PTGER3: variants seen among roughly 807,000 people sequenced by gnomAD.
PTGER3 encodes the protein prostaglandin E2 receptor EP3 subtype.
A neutral mutation model predicts 34.7 loss-of-function variants in PTGER3; 22 were observed. The ratio of observed to expected loss-of-function variants is 0.63; its 90% CI spans 0.45 to 0.91. PTGER3 has a LOEUF of 0.91. Ranked by LOEUF, PTGER3 falls within the 40% of genes least tolerant of loss-of-function variation. PTGER3 has a pLI of 0.00. For synonymous variants in PTGER3, 241 were observed against 230.1 expected, an observed-to-expected ratio of 1.05 and a Z score of -0.43; for missense variants, 468 against 519.4, an observed-to-expected ratio of 0.90 and a Z score of 0.96.
At chr1:70,995,580 A>T (rs1357485241) in intron 2 of PTGER3, among the ~76,000 whole-genome samples, 1 of 152,188 alleles carries the variant, frequency 6.6e-6, no homozygotes, top group Admixed American at 6.5e-5. Context: ...CTTTAAAAAA[A>T]TTTTAGAATT....
intron 4 of PTGER3, among the ~76,000 whole-genome samples, chr1:70,888,419 A>C (rs1031663400): frequency 1.3e-5 from 2 of 152,176 alleles, no homozygotes; most frequent in Admixed American, 6.5e-5. Context: ...ATACAACATG[A>C]TGTTTTGATA....
chr1:70,949,935 C>T (rs1408812861), downstream of PTGER3, among the ~76,000 whole-genome samples: 1 of 152,062 alleles, frequency 6.6e-6, no homozygotes, highest in African/African-American at 2.4e-5. Flanking sequence ...TCTGCAAATC[C>T]AGATCAACAT....
chr1:70,914,169 G>A (rs1002429090), intron 4 of PTGER3, among the ~76,000 whole-genome samples: 1 of 151,732 alleles, frequency 6.6e-6, no homozygotes, highest in Admixed American at 6.6e-5. Flanking sequence ...GGATGAATGT[G>A]GCTATAAGGA....
At chr1:70,897,971 A>T (rs17131485) in intron 4 of PTGER3, among the ~76,000 whole-genome samples, 1 of 151,892 alleles carries the variant, frequency 6.6e-6, no homozygotes, top group African/African-American at 2.4e-5. Flanking sequence ...CATATCACTT[A>T]ATGTATTTGA....
rs1178360039 is a variant in PTGER3 at position 70,971,727 on chromosome 1, T to C, written c.*3A>G. The C allele has an allele frequency of 6.4e-7, 1 of 1,561,406 alleles. No individual in the cohort carries two copies. Among genetic ancestry groups the C allele is most frequent in the Non-Finnish European group, 8.7e-7 (1 of 1,152,096 alleles). On this transcript the variant is annotated 3_prime_UTR_variant, in exon 4 of 4. Transcript: ENST00000306666. ...CAATAAAATGTCCAACTCCGTTCTT[T>C]CATTATCTGTTAGAATAGAGAGAGA...
intron 2 of PTGER3, among the ~76,000 whole-genome samples, chr1:70,996,380 C>T (rs1342734407): frequency 6.6e-6 from 1 of 151,952 alleles, no homozygotes; most frequent in Non-Finnish European, 1.5e-5. Context: ...TTTAAAAAAA[C>T]TTCCCTGTTT....
At chr1:70,904,702 G>A (rs1179115585) in intron 4 of PTGER3, among the ~76,000 whole-genome samples, 8 of 152,216 alleles carry the variant, frequency 5.3e-5, no homozygotes, top group Admixed American at 5.2e-4. Flanking sequence ...TTCAAGATGT[G>A]ACTTGGGTGC....
intron 2 of PTGER3, among the ~76,000 whole-genome samples, chr1:70,990,761 T>C (rs1655401180): frequency 6.6e-6 from 1 of 152,082 alleles, no homozygotes; most frequent in Non-Finnish European, 1.5e-5. Context: ...TATACAGGTA[T>C]GAGCAACTGC....
rs1656523812 is a variant in PTGER3, at chr1:71,001,854, G to C, written c.1077+10451C>G. Among the ~76,000 whole-genome samples, 11 of 152,094 alleles carry C rather than the reference G, an allele frequency of 7.2e-5. 1 individual carries two copies. The highest frequency in any genetic ancestry group is 7.2e-4 in the Admixed American group (11 of 15,272). ...TGTGCGATTGCCCAATACTAAACTG[G>C]GAAGTCTGTAGTAAACATGAGATGA... On this transcript the variant is annotated intron_variant, in intron 2 of 3. Coordinates refer to ENST00000306666, the MANE Select transcript of PTGER3 (RefSeq NM_198719.2).
At position 70,874,959 on chromosome 1, in the gene PTGER3, TTGCCTTC is replaced by T. The variant is rs1373657023; in HGVS notation, c.*24-22107_*24-22101del. 5.9e-5 allele frequency among the ~76,000 whole-genome samples: 9 copies of T among 152,314 alleles called. No individual in the cohort carries two copies. The East Asian group carries it at 1.3e-3, about 23-fold the overall frequency. On this transcript the variant is annotated intron_variant, in intron 4 of 4. Transcript: ENST00000370931. The stretch of plus-strand genomic sequence containing the variant: ...ATCAGCTCTCCTTTGGGTTTTCTAT[TTGCCTTC>T]TGCCCAGACAGGATTGCATTCCTCT...
At chr1:71,011,575 A>G (rs769591998) in intron 2 of PTGER3, 14 of 984,784 alleles carry the variant, frequency 1.4e-5, no homozygotes, top group African/African-American at 5.2e-5. Flanking sequence ...CACAAACTCC[A>G]TATTTCAAAC....
intron 2 of PTGER3, among the ~76,000 whole-genome samples, chr1:70,978,924 A>C (rs1653974419): frequency 6.6e-6 from 1 of 152,218 alleles, no homozygotes; most frequent in African/African-American, 2.4e-5. Context: ...GCTAGCTTGC[A>C]GCAAAGTCCT....
intron 1 of PTGER3, among the ~76,000 whole-genome samples, chr1:71,017,397 G>A (rs920599950): frequency 2.8e-4 from 43 of 152,244 alleles, no homozygotes; most frequent in African/African-American, 1.0e-3. Context: ...CAGCCCTGTA[G>A]CACCTTTACT....
chr1:70,959,663 T>C (rs1358519242), intron 2 of PTGER3, among the ~76,000 whole-genome samples: 1 of 152,156 alleles, frequency 6.6e-6, no homozygotes, highest in Non-Finnish European at 1.5e-5. Context: ...GCCCGGCCCC[T>C]CTTCAATTTT....
At chr1:70,975,084 C>T (rs1653551179) in intron 2 of PTGER3, among the ~76,000 whole-genome samples, 1 of 152,126 alleles carries the variant, frequency 6.6e-6, no homozygotes, top group African/African-American at 2.4e-5. Flanking sequence ...CTTTCAGGAA[C>T]TCATGGCATA....
At chr1:70,941,879 T>C (rs1165427188) in intron 4 of PTGER3, among the ~76,000 whole-genome samples, 1 of 152,206 alleles carries the variant, frequency 6.6e-6, no homozygotes, top group East Asian at 1.9e-4. Context: ...ATAATGCTAC[T>C]AGCATTACAT....
intron 2 of PTGER3, among the ~76,000 whole-genome samples, chr1:70,975,501 C>T (rs1025887525): frequency 6.6e-6 from 1 of 151,968 alleles, no homozygotes; most frequent in African/African-American, 2.4e-5. Context: ...AATTGGCTTT[C>T]TAAAGTTTTT....
chr1:71,035,079 A>G (rs1659710068), intron 1 of PTGER3, among the ~76,000 whole-genome samples: 1 of 152,210 alleles, frequency 6.6e-6, no homozygotes, highest in Non-Finnish European at 1.5e-5. Context: ...AGGGTGTTCA[A>G]CAAAGTGTAA....
chr1:71,031,641 A>G (rs1659426439), intron 1 of PTGER3, among the ~76,000 whole-genome samples: 1 of 152,214 alleles, frequency 6.6e-6, no homozygotes, highest in Non-Finnish European at 1.5e-5. Flanking sequence ...ACATTTTTCC[A>G]GCAGGACTTT....
Sources: gnomAD v4.1 joint callset for allele counts (sites outside exome capture counted in the v4.1 genomes callset) on GRCh38, gnomAD v4.1.1 for gene constraint, MANE v1.5 for transcripts, NCBI Gene and HGNC (gene_info 2026-07-23, HGNC 2026-07-21) for gene names.